ARHGAP32: variants seen among roughly 807,000 people sequenced by gnomAD.
ARHGAP32 encodes the protein rho GTPase-activating protein 32.
ARHGAP32 carries 51 observed loss-of-function variants against 186.5 expected under a neutral mutation model. The observed-to-expected ratio is 0.27, with a 90% CI of 0.22 to 0.35. The LOEUF (loss-of-function observed/expected upper bound fraction) is 0.35, where lower values mean the gene tolerates loss of function less well. Among genes scored for constraint, ARHGAP32 ranks in the 10% least tolerant of loss-of-function variants. ARHGAP32 has a pLI of 1.00. For synonymous variants in ARHGAP32, 950 were observed against 964.3 expected (o/e 0.99, Z 0.27); for missense variants, 2,186 against 2,623.5 (o/e 0.83, Z 3.64).
intron 10 of ARHGAP32, among the ~76,000 whole-genome samples, chr11:129,041,492 TAAAAAA>T (rs5795655): frequency 5.4e-5 from 7 of 130,380 alleles, no homozygotes; most frequent in African/African-American, 1.2e-4. Flanking sequence ...CCAGGTTTCA[TAAAAAA>T]AAAAAAAAAA....
chr11:129,015,404 T>G (rs999074850), intron 11 of ARHGAP32, among the ~76,000 whole-genome samples: 1 of 152,192 alleles, frequency 6.6e-6, no homozygotes, highest in Admixed American at 6.5e-5. Flanking sequence ...CAGAAATATT[T>G]AAGAGAATAA....
At chr11:129,193,725 T>C (rs1229406828), upstream of ARHGAP32, among the ~76,000 whole-genome samples, 1 of 54,124 alleles carries the variant, frequency 1.8e-5, no homozygotes, top group Admixed American at 2.9e-4. Context: ...TATTATATAT[T>C]ATATATAATA....
At chr11:128,984,256 T>A (rs1945798094) in intron 15 of ARHGAP32, among the ~76,000 whole-genome samples, 1 of 151,954 alleles carries the variant, frequency 6.6e-6, no homozygotes, top group African/African-American at 2.4e-5. Context: ...GTGCCAGTGG[T>A]CTCAGCTACT....
intron 1 of ARHGAP32, among the ~76,000 whole-genome samples, chr11:129,274,566 T>C (rs1029382686): frequency 8.5e-5 from 13 of 152,208 alleles, no homozygotes; most frequent in Non-Finnish European, 1.6e-4. Flanking sequence ...ACCCCAATTC[T>C]ATTTTGTTTA....
intron 3 of ARHGAP32, 101 bp downstream of exon 3, chr11:129,124,702 C>A: frequency 1.2e-6 from 1 of 837,694 alleles, no homozygotes; most frequent in Non-Finnish European, 1.8e-6. Context: ...ACAGTAACAG[C>A]ATATTTTTGT....
At chr11:129,081,653 C>A (rs1941223201) in intron 6 of ARHGAP32, among the ~76,000 whole-genome samples, 1 of 151,630 alleles carries the variant, frequency 6.6e-6, no homozygotes, top group Admixed American at 6.6e-5. Flanking sequence ...TTATACTGAA[C>A]AGGTAAAAGT....
Position 129,202,560 on chromosome 11 carries a change from TAAGA to T in ARHGAP32, c.-4-38137_-4-38134del, listed in dbSNP as rs1188004191. Among the ~76,000 whole-genome samples the T allele has an allele frequency of 5.3e-5, 8 of 152,138 alleles. No individual in the cohort carries two copies. In the East Asian group the frequency reaches 1.5e-3, roughly 29 times the overall value. On this transcript the variant is annotated intron_variant, in intron 1 of 6. Transcript: ENST00000525234. ...AGTAAAATCATGTATGCGATATAAA[TAAGA>T]AAACTTAAACAGATTCTTTTCATAT...
At chr11:129,170,663 T>C (rs1006116493) in intron 1 of ARHGAP32, among the ~76,000 whole-genome samples, 2 of 152,184 alleles carry the variant, frequency 1.3e-5, no homozygotes, top group African/African-American at 2.4e-5. Context: ...GCCTTTATAG[T>C]AGAATGATTT....
chr11:129,164,695 T>C (rs1422747138), intron 1 of ARHGAP32, among the ~76,000 whole-genome samples: 1 of 152,184 alleles, frequency 6.6e-6, no homozygotes, highest in African/African-American at 2.4e-5. Flanking sequence ...TAAAAACTGA[T>C]TTTTATCAGT....
rs141213420 is a variant in ARHGAP32 at position 128,973,236 on chromosome 11, C to T, written c.3270G>A (p.Ala1090=). Residue 1090 remains alanine, a synonymous_variant, in exon 22 of 23, where the codon GCG becomes GCA. Transcript: ENST00000682385. ...ACAGATTATCTTCAGTTGTAGCCAC[C>T]GCTATGTCTCCATAATTTGTATACC... ...QAGYTNYGDI[A]VATTEDNLSS... The T allele has an allele frequency of 1.1e-4, 184 of 1,614,064 alleles. No homozygotes were observed. In the Middle Eastern group the frequency reaches 2.0e-3, roughly 17 times the overall value.
chr11:128,983,319 A>G (rs1356953768), intron 15 of ARHGAP32, among the ~76,000 whole-genome samples: 1 of 152,184 alleles, frequency 6.6e-6, no homozygotes, highest in African/African-American at 2.4e-5. Flanking sequence ...AATTAAGAGA[A>G]GACAAACCGA....
At chr11:129,272,359 T>C (rs1363261862) in intron 1 of ARHGAP32, among the ~76,000 whole-genome samples, 2 of 152,196 alleles carry the variant, frequency 1.3e-5, no homozygotes, top group Non-Finnish European at 1.5e-5. Context: ...GCCCTCACCT[T>C]TGCAGGTTGA....
rs765832193 is a variant in ARHGAP32, at chr11:128,974,912, C to T, written c.2285G>A (p.Cys762Tyr). Residue 762 changes from cysteine to tyrosine, a missense_variant, in exon 21 of 23, where the codon TGT (cysteine) becomes TAT (tyrosine). Physicochemically the swap from Cys to Tyr is radical, Grantham distance 194 (BLOSUM62 -2). Coordinates refer to ENST00000682385, the MANE Select transcript of ARHGAP32 (RefSeq NM_001378024.1). ...ATGAGGCAGATTATCATAGGAGTTACAGCGGTTCCCCAGCATTTCTCCATT... is the reference window on the plus strand; with the variant it reads ...ATGAGGCAGATTATCATAGGAGTTATAGCGGTTCCCCAGCATTTCTCCATT... ...SFNGEMLGNR[C>Y]NSYDNLPHDN... 1 of 1,614,064 alleles carries T rather than the reference C, an allele frequency of 6.2e-7. No individual in the cohort carries two copies. The highest frequency in any genetic ancestry group is 8.5e-7 in the Non-Finnish European group (1 of 1,180,026).
chr11:129,041,492 TAAAAAAA>T (rs5795655), intron 10 of ARHGAP32, among the ~76,000 whole-genome samples: 1 of 130,388 alleles, frequency 7.7e-6, no homozygotes, highest in Admixed American at 7.8e-5. Flanking sequence ...CCAGGTTTCA[TAAAAAAA>T]AAAAAAAAAA....
chr11:129,248,136 C>G (rs71481852), intron 1 of ARHGAP32, among the ~76,000 whole-genome samples: 408 of 151,620 alleles, frequency 2.7e-3, no homozygotes, highest in Non-Finnish European at 3.7e-3. Context: ...CACGGTGAAA[C>G]CCCATCTCTA....
chr11:129,177,142 G>A (rs551446921), intron 1 of ARHGAP32, among the ~76,000 whole-genome samples: 1 of 152,112 alleles, frequency 6.6e-6, no homozygotes, highest in South Asian at 2.1e-4. Context: ...ACTACCATCA[G>A]AGAATACTAC....
intron 2 of ARHGAP32, among the ~76,000 whole-genome samples, chr11:129,142,322 G>C (rs1313499931): frequency 6.6e-6 from 1 of 152,092 alleles, no homozygotes; most frequent in African/African-American, 2.4e-5. Context: ...CTACAGTAGA[G>C]AACAGAGCAG....
At chr11:129,208,133 A>G (rs1221139412) in intron 1 of ARHGAP32, among the ~76,000 whole-genome samples, 1 of 152,196 alleles carries the variant, frequency 6.6e-6, no homozygotes, top group Non-Finnish European at 1.5e-5. Flanking sequence ...AAATATCCTT[A>G]AAGTAGAGGA....
intron 15 of ARHGAP32, among the ~76,000 whole-genome samples, chr11:128,984,480 G>A (rs1187082413): frequency 6.6e-6 from 1 of 152,150 alleles, no homozygotes; most frequent in Non-Finnish European, 1.5e-5. Flanking sequence ...GAGAGAACAT[G>A]ATGGAAAATT....
Sources: gnomAD v4.1 joint callset for allele counts (sites outside exome capture counted in the v4.1 genomes callset) on GRCh38, gnomAD v4.1.1 for gene constraint, MANE v1.5 for transcripts, NCBI Gene and HGNC (gene_info 2026-07-23, HGNC 2026-07-21) for gene names.